The following RBP7 variants were observed in gnomAD, a reference collection of about 807,000 sequenced individuals.
RBP7 encodes the protein retinoid-binding protein 7.
Under a neutral mutation model 16.7 loss-of-function variants are expected in RBP7, and 13 were observed. That is an observed-to-expected ratio of 0.78 (90% CI 0.51 to 1.24). RBP7 has a LOEUF of 1.24. Ranked by LOEUF, RBP7 falls within the 50% of genes most tolerant of loss-of-function variation. RBP7 has a pLI of 0.00. For missense variants in RBP7, 145 were observed against 159.5 expected (o/e 0.91, Z 0.49); for synonymous variants, 54 against 56.2 (o/e 0.96, Z 0.17).
At chr1:10,015,009 C>T (rs1642739249) in intron 3 of RBP7, among the ~76,000 whole-genome samples, 1 of 152,142 alleles carries the variant, frequency 6.6e-6, no homozygotes, top group African/African-American at 2.4e-5. Context: ...AGACATCACA[C>T]AACTGGTGTC....
Position 9,997,793 on chromosome 1 carries a change from C to T in RBP7, c.73+462C>T, listed in dbSNP as rs1288266902. ...ACCCTCCCCGCAGCCGCCTTCCGTG[C>T]AGGCCCCGGGGCCCCGGGCGCGCTC... On this transcript the variant is annotated intron_variant, in intron 1 of 3. Transcript: ENST00000294435. This position sits in a 1 kb window ranked among gnomAD's most constrained non-coding sequence, Gnocchi z 5.9. Among the ~76,000 whole-genome samples, 1 of 151,980 alleles carries T rather than the reference C, an allele frequency of 6.6e-6. No individual in the cohort carries two copies. The highest frequency in any genetic ancestry group is 1.5e-5 in the Non-Finnish European group (1 of 67,956).
chr1:10,004,774 A>G (rs1277074311), intron 1 of RBP7, among the ~76,000 whole-genome samples: 1 of 152,192 alleles, frequency 6.6e-6, no homozygotes, highest in African/African-American at 2.4e-5. Context: ...TGGCTTGGTC[A>G]TATTAATAAT....
chr1:9,997,313 G>T lies in RBP7; in HGVS notation c.55G>T (p.Gly19Cys), dbSNP rs1359756594. The part of the protein sequence containing the change: ...WTLLSSDNFE[G>C]YMLALGIDFA... Reference sequence around the variant, plus strand: ...CCTGCTCAGCAGCGACAACTTCGAGGGCTACATGCTGGCCCTAGGTAAGGC... The same window carrying T: ...CCTGCTCAGCAGCGACAACTTCGAGTGCTACATGCTGGCCCTAGGTAAGGC... Residue 19 changes from glycine (G) to cysteine (C), a missense_variant, in exon 1 of 4, where the codon GGC becomes TGC. Gly to Cys is a radical substitution (Grantham distance 159). Coordinates refer to ENST00000294435, the MANE Select transcript of RBP7 (RefSeq NM_052960.3). The surrounding 1 kb of genome is among the most constrained non-coding windows in gnomAD (Gnocchi z 5.9). 31 of 1,611,428 alleles carry T rather than the reference G, an allele frequency of 1.9e-5. No individual in the cohort carries two copies. Among genetic ancestry groups the T allele is most frequent in the Non-Finnish European group, 2.5e-5 (30 of 1,179,200 alleles).
At chr1:10,004,283 G>C (rs1398026586) in intron 1 of RBP7, 1 of 151,338 alleles carries the variant, frequency 6.6e-6, no homozygotes, top group Non-Finnish European at 1.5e-5. Context: ...TATTGGTCAG[G>C]CTGGTCTCCA....
chr1:10,003,329 G>A (rs1192137662), intron 1 of RBP7, among the ~76,000 whole-genome samples: 1 of 152,174 alleles, frequency 6.6e-6, no homozygotes, highest in African/African-American at 2.4e-5. Flanking sequence ...AGGAGACTGA[G>A]GCAGGAGAAT....
At chr1:10,002,494 CATTTT>C (rs1264771942) in intron 1 of RBP7, among the ~76,000 whole-genome samples, 2 of 151,430 alleles carry the variant, frequency 1.3e-5, no homozygotes, top group Non-Finnish European at 2.9e-5. Context: ...CTAATTTATT[CATTTT>C]ATTTTATTTT....
chr1:10,012,939 C>CAAAAAA (rs760583223), intron 3 of RBP7, among the ~76,000 whole-genome samples: 11 of 71,288 alleles, frequency 1.5e-4, no homozygotes, highest in South Asian at 4.7e-4. Context: ...GAAACTGTCT[C>CAAAAAA]AAAAAAAAAA....
chr1:10,004,619 C>T (rs971447690), intron 1 of RBP7, among the ~76,000 whole-genome samples: 3 of 152,156 alleles, frequency 2.0e-5, no homozygotes, highest in Non-Finnish European at 4.4e-5. Flanking sequence ...CTCGGCCTCC[C>T]GAAGTGCTGG....
intron 3 of RBP7, among the ~76,000 whole-genome samples, chr1:10,010,647 C>T (rs909910385): frequency 1.3e-5 from 2 of 149,114 alleles, no homozygotes; most frequent in East Asian, 2.0e-4. Flanking sequence ...TACAATGGTG[C>T]GATCTCGGCT....
chr1:10,009,521 ATT>A (rs112431441), intron 3 of RBP7, among the ~76,000 whole-genome samples: 83 of 141,136 alleles, frequency 5.9e-4, no homozygotes, highest in African/African-American at 1.0e-3. Context: ...TTAATGTCTT[ATT>A]TTTTTTTTTT....
intron 1 of RBP7, among the ~76,000 whole-genome samples, chr1:10,001,481 T>C (rs1259146096): frequency 1.3e-5 from 2 of 151,954 alleles, no homozygotes; most frequent in African/African-American, 4.8e-5. Context: ...AATTTTTCAA[T>C]TTTTTTGTAG....
At chr1:10,014,663 A>G (rs1642731280) in intron 3 of RBP7, among the ~76,000 whole-genome samples, 1 of 152,070 alleles carries the variant, frequency 6.6e-6, no homozygotes, top group South Asian at 2.1e-4. Flanking sequence ...CTGGGATTAC[A>G]GGCATGTGCG....
intron 1 of RBP7, among the ~76,000 whole-genome samples, chr1:10,001,685 C>A (rs1463643141): frequency 6.6e-6 from 1 of 152,142 alleles, no homozygotes. Context: ...TTAATGCCCA[C>A]AGATATTGAC....
chr1:10,006,674 G>A (rs1230855513), intron 1 of RBP7, among the ~76,000 whole-genome samples: 1 of 149,448 alleles, frequency 6.7e-6, no homozygotes, highest in Non-Finnish European at 1.5e-5. Context: ...CAACCTGGGC[G>A]ACAGAGTGAG....
At chr1:10,015,677 CA>C (rs1414253807) in intron 3 of RBP7, 104 bp from the exon 4 acceptor site, 17 of 996,704 alleles carry the variant, frequency 1.7e-5, no homozygotes, top group Non-Finnish European at 2.7e-5. Flanking sequence ...AAGAAAAAAA[CA>C]TGTTCCAGAA....
Position 10,004,162 on chromosome 1 carries a change from T to G in RBP7, c.74-3408T>G, listed in dbSNP as rs540249998. 65 of 145,108 alleles carry G rather than the reference T, an allele frequency of 4.5e-4. No individual in the cohort carries two copies. The South Asian group carries it at 0.014, about 31-fold the overall frequency. The allele number at this position is 145,108 out of a possible 1,614,324, so 9.0% of individuals were successfully genotyped here. On this transcript the variant is annotated intron_variant, in intron 1 of 3. Transcript: ENST00000294435. The stretch of plus-strand genomic sequence containing the variant: ...ATCTCGGCTCACCGCAACTTCCGTC[T>G]CCCCGGTTCAAACAATTCTCCTGCT...
chr1:9,997,440 C>T lies in RBP7; in HGVS notation c.73+109C>T. 1 of 1,028,798 alleles carries T rather than the reference C, an allele frequency of 9.7e-7. No individual in the cohort carries two copies. The highest frequency in any genetic ancestry group is 1.4e-5 in the South Asian group (1 of 69,514). The allele number at this position is 1,028,798 out of a possible 1,614,324, so 63.7% of individuals were successfully genotyped here. A position where few individuals can be genotyped will look rare whatever the true frequency, so the allele number is the denominator to read the frequency against. On this transcript the variant is annotated intron_variant, in intron 1 of 3. Coordinates refer to ENST00000294435, the MANE Select transcript of RBP7 (RefSeq NM_052960.3). The surrounding 1 kb of genome is among the most constrained non-coding windows in gnomAD (Gnocchi z 5.9). Reference sequence around the variant, plus strand: ...GTACGTCCTCTGTCCGTGCCTCCGCCCTGCTGCGCCCACCGTCGCCCAGTC... The same window carrying T: ...GTACGTCCTCTGTCCGTGCCTCCGCTCTGCTGCGCCCACCGTCGCCCAGTC...
chr1:9,999,827 TTTTTTTTTTA>T (rs1231142588), intron 1 of RBP7, among the ~76,000 whole-genome samples: 1 of 148,354 alleles, frequency 6.7e-6, no homozygotes, highest in South Asian at 2.1e-4. Context: ...TTTTTTTTTT[TTTTTTTTTTA>T]GATGGAGTCT....
intron 1 of RBP7, among the ~76,000 whole-genome samples, chr1:10,001,612 G>T (rs1642279682): frequency 6.6e-6 from 1 of 151,932 alleles, no homozygotes; most frequent in Admixed American, 6.6e-5. Context: ...GGAGTTCCTG[G>T]TGTACCCCCA....
Sources: gnomAD v4.1 joint callset for allele counts (sites outside exome capture counted in the v4.1 genomes callset) on GRCh38, gnomAD v4.1.1 for gene constraint, Gnocchi (gnomAD v3.1) non-coding constraint, MANE v1.5 for transcripts, NCBI Gene and HGNC (gene_info 2026-07-23, HGNC 2026-07-21) for gene names.